PTPRN2: variants seen among roughly 807,000 people sequenced by gnomAD.
PTPRN2 encodes protein tyrosine phosphatase receptor type N2.
PTPRN2 carries 74 observed loss-of-function variants against 118.8 expected under a neutral mutation model. The observed-to-expected ratio is 0.62, with a 90% CI of 0.52 to 0.76. PTPRN2 has a LOEUF of 0.76. Among genes scored for constraint, PTPRN2 ranks in the 30% least tolerant of loss-of-function variants. The probability of loss-of-function intolerance (pLI) is 0.00; values close to 1 mark genes in which losing one functional copy is unlikely to be tolerated. For synonymous variants in PTPRN2, 641 were observed against 608.0 expected (o/e 1.05, Z -0.80); for missense variants, 1,481 against 1,394.4 (o/e 1.06, Z -0.99).
At chr7:158,502,973 C>T (rs1247026836) in intron 1 of PTPRN2, among the ~76,000 whole-genome samples, 2 of 98,394 alleles carry the variant, frequency 2.0e-5, no homozygotes, top group African/African-American at 4.3e-5. Context: ...GTCCATCAGC[C>T]ACTGTGTCCA....
intron 2 of PTPRN2, among the ~76,000 whole-genome samples, chr7:158,414,060 T>C (rs1814422492): frequency 9.2e-6 from 1 of 108,616 alleles, no homozygotes; most frequent in African/African-American, 3.8e-5. Context: ...AGAGACAGCC[T>C]CTATCTCAAA....
At chr7:158,278,723 A>G (rs7795209) in intron 3 of PTPRN2, among the ~76,000 whole-genome samples, 42,170 of 152,080 alleles carry the variant, frequency 0.28, 6,510 homozygotes, top group African/African-American at 0.41. Flanking sequence ...AGGTGTGTCC[A>G]GAGTTTCTTT....
At chr7:157,932,958 C>CAGTTTTAGAGGAGGGGTGAGTCACTCTG (rs1799457923) in intron 11 of PTPRN2, among the ~76,000 whole-genome samples, 1 of 130,136 alleles carries the variant, frequency 7.7e-6, no homozygotes, top group African/African-American at 3.2e-5. Flanking sequence ...GTGAGTCACT[C>CAGTTTTAGAGGAGGGGTGAGTCACTCTG]ATTGACAGTT....
At position 157,977,796 on chromosome 7, in the gene PTPRN2, A is replaced by G. The variant is rs1269436592; in HGVS notation, c.1724-79059T>C. The stretch of plus-strand genomic sequence containing the variant: ...ACACTTGAAGATCTAGTGACACCTA[A>G]GAGCTCCCTGTTGCTGCTGCTGGGG... On this transcript the variant is annotated intron_variant, in intron 11 of 22. Coordinates refer to ENST00000389418, the MANE Select transcript of PTPRN2 (RefSeq NM_002847.5). The surrounding 1 kb of genome is among the most constrained non-coding windows in gnomAD (Gnocchi z 4.6). Among the ~76,000 whole-genome samples the G allele has an allele frequency of 6.6e-6, 1 of 151,848 alleles. No individual in the cohort carries two copies. The highest frequency in any genetic ancestry group is 2.4e-5 in the African/African-American group (1 of 41,406).
intron 12 of PTPRN2, among the ~76,000 whole-genome samples, chr7:157,873,964 G>A (rs555485794): frequency 5.3e-5 from 8 of 152,316 alleles, no homozygotes; most frequent in African/African-American, 1.4e-4. Context: ...GACGGCTCTA[G>A]GTCTGCCACA....
Position 157,964,964 on chromosome 7 carries a change from G to A in PTPRN2, c.1724-66227C>T, listed in dbSNP as rs188077130. On this transcript the variant is annotated intron_variant, in intron 11 of 22. Coordinates refer to ENST00000389418, the MANE Select transcript of PTPRN2 (RefSeq NM_002847.5). This position sits in a 1 kb window ranked among gnomAD's most constrained non-coding sequence, Gnocchi z 9.0. ...ACCTTTGGGAGTGAGTGTCAGTGCCGTAGCGGAACACAGGGATCTGAGGCA... is the reference window on the plus strand; with the variant it reads ...ACCTTTGGGAGTGAGTGTCAGTGCCATAGCGGAACACAGGGATCTGAGGCA... Among the ~76,000 whole-genome samples the A allele has an allele frequency of 1.6e-3, 247 of 152,334 alleles. 1 individual carries two copies. Among genetic ancestry groups the A allele is most frequent in the African/African-American group, 5.5e-3 (227 of 41,570 alleles).
intron 1 of PTPRN2, among the ~76,000 whole-genome samples, chr7:158,520,418 G>A (rs1823894334): frequency 1.3e-5 from 2 of 152,202 alleles, no homozygotes; most frequent in African/African-American, 4.8e-5. Flanking sequence ...TATGTTTACT[G>A]CCACTACAAT....
Position 157,632,536 on chromosome 7 carries a change from G to A in PTPRN2, c.2197-11027C>T, listed in dbSNP as rs987140030. ...AGGGGAAAGTCTTGTTCTTTCATAC[G>A]ATTGATGGATTGTTTTACGTTGGGC... On this transcript the variant is annotated intron_variant, in intron 14 of 22. Coordinates refer to ENST00000389418, the MANE Select transcript of PTPRN2 (RefSeq NM_002847.5). The surrounding 1 kb of genome is among the most constrained non-coding windows in gnomAD (Gnocchi z 4.3). Among the ~76,000 whole-genome samples the A allele has an allele frequency of 6.6e-6, 1 of 152,118 alleles. No homozygotes were observed. Among genetic ancestry groups the A allele is most frequent in the Non-Finnish European group, 1.5e-5 (1 of 68,014 alleles).
chr7:157,877,242 G>A lies in PTPRN2; in HGVS notation c.1788+21431C>T, dbSNP rs561944956. Among the ~76,000 whole-genome samples the A allele has an allele frequency of 4.0e-5, 6 of 148,442 alleles. 1 individual carries two copies. The highest frequency in any genetic ancestry group is 1.5e-4 in the African/African-American group (6 of 40,162). ...GGGTTTTCTCGGGGACCCCGGGTCC[G>A]AGTGCCACACTAGAGTTTCCTCGGG... On this transcript the variant is annotated intron_variant, in intron 12 of 22. Transcript: ENST00000389418.
rs1813530511 is a variant in PTPRN2, at chr7:158,407,143, GC to G, written c.163+82591del. Reference sequence around the variant, plus strand: ...TCCTGGGTCCTGGGTCCTGCGTCCTGCGTCCTGGGTCCTGGGTCCTGGGTCC... The same window carrying G: ...TCCTGGGTCCTGGGTCCTGCGTCCTGGTCCTGGGTCCTGGGTCCTGGGTCC... On this transcript the variant is annotated intron_variant, in intron 2 of 22. Coordinates refer to ENST00000389418, the MANE Select transcript of PTPRN2 (RefSeq NM_002847.5). Among the ~76,000 whole-genome samples, 3 of 143,668 alleles carry G rather than the reference GC, an allele frequency of 2.1e-5. 1 individual carries two copies. Among genetic ancestry groups the G allele is most frequent in the African/African-American group, 7.5e-5 (3 of 39,792 alleles). The allele number at this position is 143,668 out of a possible 152,430, so 94.3% of individuals were successfully genotyped here. A position where few individuals can be genotyped will look rare whatever the true frequency, so the allele number is the denominator to read the frequency against.
chr7:158,220,826 G>A (rs1434542021), intron 3 of PTPRN2, among the ~76,000 whole-genome samples: 1 of 145,474 alleles, frequency 6.9e-6, no homozygotes, highest in Non-Finnish European at 1.5e-5. Flanking sequence ...CAAACCACCA[G>A]CATCATTTTT....
At chr7:157,818,947 C>T (rs1391063362) in intron 12 of PTPRN2, among the ~76,000 whole-genome samples, 1 of 151,998 alleles carries the variant, frequency 6.6e-6, no homozygotes, top group Non-Finnish European at 1.5e-5. Flanking sequence ...GTGACAACTG[C>T]ACCCCGAGCC....
chr7:157,808,267 G>A lies in PTPRN2; in HGVS notation c.1788+90406C>T, dbSNP rs11978846. 6.9e-3 allele frequency among the ~76,000 whole-genome samples: 1,041 copies of A among 151,916 alleles called. 10 individuals carry two copies. Among genetic ancestry groups the A allele is most frequent in the African/African-American group, 0.024 (993 of 41,336 alleles). On this transcript the variant is annotated intron_variant, in intron 12 of 22. Transcript: ENST00000389418. This position sits in a 1 kb window ranked among gnomAD's most constrained non-coding sequence, Gnocchi z 5.0. ...GCAGGTAGGTGAGTGGGTGAGTGGC[G>A]GGAGAGTGAGCTGTTGAGTGGCCGG...
At chr7:158,141,691 G>A (rs946236225) in intron 6 of PTPRN2, among the ~76,000 whole-genome samples, 10 of 152,218 alleles carry the variant, frequency 6.6e-5, no homozygotes, top group South Asian at 2.1e-4. Context: ...CCAGGGTCTC[G>A]CATGGAAAGG....
chr7:157,837,325 A>G (rs1271937120), intron 12 of PTPRN2, among the ~76,000 whole-genome samples: 3 of 121,820 alleles, frequency 2.5e-5, no homozygotes, highest in African/African-American at 9.3e-5. Flanking sequence ...ACGTCCCTCC[A>G]TCTACCCACC....
chr7:158,333,218 C>A lies in PTPRN2; in HGVS notation c.164-16286G>T, dbSNP rs200515018. Reference sequence around the variant, plus strand: ...CACCATAAGAGCTGTCGCCCGCAGACGTGACTCACACCCACACTCTCCCCA... The same window carrying A: ...CACCATAAGAGCTGTCGCCCGCAGAAGTGACTCACACCCACACTCTCCCCA... On this transcript the variant is annotated intron_variant, in intron 2 of 22. Transcript: ENST00000389418. Among the ~76,000 whole-genome samples, 98 of 117,220 alleles carry A rather than the reference C, an allele frequency of 8.4e-4. 2 individuals are homozygous for A. The East Asian group carries it at 0.02, about 24-fold the overall frequency. 76.9% of individuals were successfully genotyped at this position (117,220 alleles called of 152,430 possible). A position where few individuals can be genotyped will look rare whatever the true frequency, so the allele number is the denominator to read the frequency against.
In PTPRN2 at chr7:157,598,493, C is replaced by T. The variant is rs1440442790; in HGVS notation, c.2419-3178G>A. 7.0e-6 allele frequency among the ~76,000 whole-genome samples: 1 copy of T among 141,986 alleles called. No homozygotes were observed. The highest frequency in any genetic ancestry group is 1.5e-5 in the Non-Finnish European group (1 of 67,178). The allele number at this position is 141,986 out of a possible 152,430, so 93.1% of individuals were successfully genotyped here. A position where few individuals can be genotyped will look rare whatever the true frequency, so the allele number is the denominator to read the frequency against. On this transcript the variant is annotated intron_variant, in intron 16 of 22. Transcript: ENST00000389418. The surrounding 1 kb of genome is among the most constrained non-coding windows in gnomAD (Gnocchi z 5.2). ...GAGCTCAGGGAGTGAGGAGCTTGGA[C>T]GTCGGCGTCTCCGGGCCTCAGTCTC... is the stretch of plus-strand genomic sequence containing the variant.
chr7:157,630,186 G>A (rs1803854948), intron 14 of PTPRN2, among the ~76,000 whole-genome samples: 1 of 152,192 alleles, frequency 6.6e-6, no homozygotes, highest in Non-Finnish European at 1.5e-5. Context: ...CCCTTGATGA[G>A]AAGGTATTTT....
chr7:158,488,328 G>A (rs1278680862), intron 2 of PTPRN2, among the ~76,000 whole-genome samples: 1 of 152,122 alleles, frequency 6.6e-6, no homozygotes, highest in Non-Finnish European at 1.5e-5. Flanking sequence ...CCCACGAGCT[G>A]CCGGTTCCCA....
Sources: allele counts gnomAD v4.1 joint callset (sites outside exome capture counted in the v4.1 genomes callset), GRCh38; gene constraint gnomAD v4.1.1; non-coding constraint Gnocchi (gnomAD v3.1); transcripts MANE v1.5; gene names NCBI Gene and HGNC (gene_info 2026-07-23, HGNC 2026-07-21).